Variants in THRAP3 observed in about 807,000 individuals in gnomAD.
THRAP3 encodes the protein thyroid hormone receptor-associated protein 3.
THRAP3 carries 16 observed loss-of-function variants against 101.0 expected under a neutral mutation model. The ratio of observed to expected loss-of-function variants is 0.16; its 90% CI spans 0.11 to 0.24. The LOEUF (loss-of-function observed/expected upper bound fraction) is 0.24, where lower values mean the gene tolerates loss of function less well. Ranked by LOEUF, THRAP3 falls within the 10% of genes least tolerant of loss-of-function variation. THRAP3 has a pLI of 1.00. For synonymous variants in THRAP3, 407 were observed against 422.6 expected, an observed-to-expected ratio of 0.96 and a Z score of 0.45; for missense variants, 989 against 1,202.7, an observed-to-expected ratio of 0.82 and a Z score of 2.63.
chr1:36,279,177 G>T (rs937087476), intron 2 of THRAP3, among the ~76,000 whole-genome samples: 8 of 152,076 alleles, frequency 5.3e-5, no homozygotes, highest in Admixed American at 2.0e-4. Flanking sequence ...GTTTCTGAGT[G>T]TTGAAATGAG....
intron 1 of THRAP3, among the ~76,000 whole-genome samples, chr1:36,254,846 C>T (rs1440194471): frequency 6.6e-6 from 1 of 152,180 alleles, no homozygotes; most frequent in Non-Finnish European, 1.5e-5. Context: ...CAAAACCAGA[C>T]AATGGGCTAG....
At chr1:36,277,756 AATTATT>A (rs755855253) in intron 2 of THRAP3, among the ~76,000 whole-genome samples, 9 of 151,976 alleles carry the variant, frequency 5.9e-5, no homozygotes, top group Non-Finnish European at 1.3e-4. Flanking sequence ...TTTTTTAAAA[AATTATT>A]ATGATTATTA....
chr1:36,252,969 T>TATATATAA (rs1553194067), intron 1 of THRAP3, among the ~76,000 whole-genome samples: 3 of 124,550 alleles, frequency 2.4e-5, no homozygotes, highest in South Asian at 2.5e-4. Context: ...TATATATATA[T>TATATATAA]AAATGTAAAT....
Position 36,304,092 on chromosome 1 carries a change from G to A in THRAP3, c.*75G>A. The A allele has an allele frequency of 6.9e-7, 1 of 1,438,862 alleles. No individual in the cohort carries two copies. Among genetic ancestry groups the A allele is most frequent in the Non-Finnish European group, 9.1e-7 (1 of 1,094,420 alleles). 89.1% of individuals were successfully genotyped at this position (1,438,862 alleles called of 1,614,324 possible). Reference sequence around the variant, plus strand: ...ATGGCTGGTGAGGAGCTTAACAGAGGAACCTCAAGAAGATTCTGAAAATCC... The same window carrying A: ...ATGGCTGGTGAGGAGCTTAACAGAGAAACCTCAAGAAGATTCTGAAAATCC... On this transcript the variant is annotated 3_prime_UTR_variant, in exon 12 of 12. Transcript: ENST00000354618.
intron 2 of THRAP3, among the ~76,000 whole-genome samples, chr1:36,282,192 C>G (rs1031253264): frequency 6.6e-6 from 1 of 151,674 alleles, no homozygotes; most frequent in Non-Finnish European, 1.5e-5. Context: ...TCCCAGTGCA[C>G]TGGGATTACA....
chr1:36,227,570 A>G (rs1235516702), intron 1 of THRAP3, among the ~76,000 whole-genome samples: 1 of 152,126 alleles, frequency 6.6e-6, no homozygotes, highest in Non-Finnish European at 1.5e-5. Flanking sequence ...GGCATAAGCT[A>G]CTGCGCCCAG....
intron 2 of THRAP3, among the ~76,000 whole-genome samples, chr1:36,268,129 G>C (rs1645536961): frequency 6.6e-6 from 1 of 151,898 alleles, no homozygotes; most frequent in Non-Finnish European, 1.5e-5. Flanking sequence ...GTAGTGAGCC[G>C]AGATCATGTG....
chr1:36,212,471 A>T, the THRAP3 span, among the ~76,000 whole-genome samples: 2 of 143,752 alleles, frequency 1.4e-5, no homozygotes, highest in East Asian at 2.0e-4. Flanking sequence ...GCCAGGCTGA[A>T]GTGCAGTGGC....
chr1:36,244,100 C>T (rs1645203064), intron 1 of THRAP3, among the ~76,000 whole-genome samples: 1 of 152,180 alleles, frequency 6.6e-6, no homozygotes, highest in South Asian at 2.1e-4. Flanking sequence ...GAACTTTCTA[C>T]TTAAGAATGA....
chr1:36,266,767 G>GT (rs1419627174), intron 2 of THRAP3, among the ~76,000 whole-genome samples: 3 of 152,228 alleles, frequency 2.0e-5, no homozygotes, highest in African/African-American at 7.2e-5. Flanking sequence ...GTCAGAGAAG[G>GT]TAGGTGGCCA....
rs1295323905 is a variant in THRAP3 at position 36,296,785 on chromosome 1, GTTACCCCTTCCAGA to G, written c.2303+16_2303+29del. The G allele has an allele frequency of 6.4e-7, 1 of 1,565,936 alleles. No homozygotes were observed. Among genetic ancestry groups the G allele is most frequent in the Non-Finnish European group, 8.6e-7 (1 of 1,162,596 alleles). ...AAGAAACAGAAGTACGTAAGCCCCT[GTTACCCCTTCCAGA>G]CTCTTAAGTTTCTTGTCTGTCCCCT... On this transcript the variant is annotated intron_variant, in intron 9 of 11. Transcript: ENST00000354618.
chr1:36,300,143 A>G (rs1343897887), intron 9 of THRAP3, among the ~76,000 whole-genome samples: 1 of 152,148 alleles, frequency 6.6e-6, no homozygotes, highest in African/African-American at 2.4e-5. Context: ...GTATTAAGCT[A>G]ATTTGCCCTA....
At chr1:36,261,651 C>G (rs1013749782) in intron 2 of THRAP3, among the ~76,000 whole-genome samples, 2 of 152,148 alleles carry the variant, frequency 1.3e-5, no homozygotes, top group Non-Finnish European at 2.9e-5. Context: ...GGACTAAGTT[C>G]TGGTTGAGTG....
At chr1:36,229,308 A>G (rs1262272875) in intron 1 of THRAP3, among the ~76,000 whole-genome samples, 1 of 151,436 alleles carries the variant, frequency 6.6e-6, no homozygotes, top group Non-Finnish European at 1.5e-5. Flanking sequence ...GTGTTAGCCA[A>G]GATGGTCTCC....
At chr1:36,291,603 A>G (rs776221150) in intron 6 of THRAP3, 57 bp downstream of exon 6, 9 of 1,576,892 alleles carry the variant, frequency 5.7e-6, no homozygotes, top group Non-Finnish European at 7.8e-6. Context: ...AAGAAGGATG[A>G]ATGATGGGTG....
intron 1 of THRAP3, among the ~76,000 whole-genome samples, chr1:36,226,303 A>C (rs927567178): frequency 6.6e-6 from 1 of 152,222 alleles, no homozygotes; most frequent in Non-Finnish European, 1.5e-5. Flanking sequence ...GCTGTCACCC[A>C]GGCTGGAGTG....
chr1:36,240,272 G>C (rs759655348), intron 1 of THRAP3, among the ~76,000 whole-genome samples: 44 of 152,162 alleles, frequency 2.9e-4, no homozygotes, highest in Non-Finnish European at 5.1e-4. Flanking sequence ...CTCAAAACCA[G>C]GGAAGCCAAC....
chr1:36,223,422 A>G (rs1447873125), upstream of THRAP3, among the ~76,000 whole-genome samples: 1 of 152,172 alleles, frequency 6.6e-6, no homozygotes, highest in Non-Finnish European at 1.5e-5. Context: ...TCGGCTCTCA[A>G]AGAGCTCACA....
chr1:36,232,037 C>T (rs1645033719), intron 1 of THRAP3, among the ~76,000 whole-genome samples: 2 of 151,852 alleles, frequency 1.3e-5, no homozygotes, highest in East Asian at 1.9e-4. Context: ...ACCAACATGG[C>T]GAAACCCATC....
Sources: gnomAD v4.1 joint callset for allele counts (sites outside exome capture counted in the v4.1 genomes callset) on GRCh38, gnomAD v4.1.1 for gene constraint, MANE v1.5 for transcripts, NCBI Gene and HGNC (gene_info 2026-07-23, HGNC 2026-07-21) for gene names.